The following PALLD variants were observed in gnomAD, a reference collection of about 807,000 sequenced individuals.
PALLD encodes palladin, cytoskeletal associated protein, also known as palladin.
PALLD carries 61 observed loss-of-function variants against 123.5 expected under a neutral mutation model. The observed-to-expected ratio is 0.49, with a 90% CI of 0.40 to 0.61. PALLD has a LOEUF of 0.61. Ranked by LOEUF, PALLD falls within the 20% of genes least tolerant of loss-of-function variation. The pLI, the probability that PALLD is intolerant of heterozygous loss-of-function variation, is 0.00. For missense variants in PALLD, 1,273 were observed against 1,377.0 expected (o/e 0.92, Z 1.20); for synonymous variants, 465 against 496.4 (o/e 0.94, Z 0.84).
At chr4:168,815,754 C>A (rs776311271) in intron 10 of PALLD, among the ~76,000 whole-genome samples, 2 of 152,158 alleles carry the variant, frequency 1.3e-5, no homozygotes, top group Non-Finnish European at 2.9e-5. Flanking sequence ...AAGGTACAGA[C>A]CATTTTCGGT....
chr4:168,729,990 C>T (rs1488365854), intron 10 of PALLD, among the ~76,000 whole-genome samples: 1 of 152,132 alleles, frequency 6.6e-6, no homozygotes, highest in Non-Finnish European at 1.5e-5. Context: ...CTCTTCACCC[C>T]TAGTACTTTG....
At chr4:168,662,529 G>A (rs1779225074) in intron 2 of PALLD, among the ~76,000 whole-genome samples, 1 of 152,244 alleles carries the variant, frequency 6.6e-6, no homozygotes. Context: ...GTCTGCCACA[G>A]GAAGAAGGGG....
chr4:168,571,127 G>C (rs1768938917), intron 2 of PALLD, among the ~76,000 whole-genome samples: 1 of 152,088 alleles, frequency 6.6e-6, no homozygotes, highest in Non-Finnish European at 1.5e-5. Flanking sequence ...AATTTTCTTT[G>C]CATTTCATCC....
intron 2 of PALLD, among the ~76,000 whole-genome samples, chr4:168,549,993 C>T (rs1300388217): frequency 6.6e-6 from 1 of 152,040 alleles, no homozygotes; most frequent in Non-Finnish European, 1.5e-5. Flanking sequence ...TTTATTCCTC[C>T]CAACATCTTT....
chr4:168,742,923 G>T (rs1398165320), intron 10 of PALLD, among the ~76,000 whole-genome samples: 1 of 152,126 alleles, frequency 6.6e-6, no homozygotes, highest in Admixed American at 6.5e-5. Context: ...TTGATTTTCA[G>T]TGATTCAGGT....
At chr4:168,814,440 A>C (rs1454299230) in intron 10 of PALLD, among the ~76,000 whole-genome samples, 3 of 152,206 alleles carry the variant, frequency 2.0e-5, no homozygotes, top group African/African-American at 7.2e-5. Flanking sequence ...GGACTGCCTT[A>C]AGCAACTGTA....
intron 2 of PALLD, among the ~76,000 whole-genome samples, chr4:168,576,959 C>A (rs572251934): frequency 2.6e-5 from 4 of 152,126 alleles, no homozygotes; most frequent in African/African-American, 7.2e-5. Flanking sequence ...GAGAAATTGG[C>A]AGCATTTTCT....
intron 1 of PALLD, among the ~76,000 whole-genome samples, 187 bp downstream of exon 1, chr4:168,497,381 G>A (rs62333819): frequency 0.097 from 14,764 of 152,202 alleles, 803 homozygotes; most frequent in Non-Finnish European, 0.11. Context: ...CAGATAATAC[G>A]TAAGATTTGC....
At chr4:168,593,033 T>G (rs1475842161) in intron 2 of PALLD, among the ~76,000 whole-genome samples, 1 of 151,024 alleles carries the variant, frequency 6.6e-6, no homozygotes, top group Non-Finnish European at 1.5e-5. Context: ...AAAAAAAAAG[T>G]CAACTATGCA....
At chr4:168,656,376 T>C (rs950866476) in intron 2 of PALLD, among the ~76,000 whole-genome samples, 1 of 151,990 alleles carries the variant, frequency 6.6e-6, no homozygotes, top group African/African-American at 2.4e-5. Context: ...TTGGTGAGGA[T>C]GAATCTATTT....
At chr4:168,804,149 T>A in intron 10 of PALLD, among the ~76,000 whole-genome samples, 1 of 152,200 alleles carries the variant, frequency 6.6e-6, no homozygotes, top group East Asian at 1.9e-4. Context: ...TGAAAATGTA[T>A]CCTCACAGAT....
chr4:168,701,049 A>G (rs1783624675), intron 8 of PALLD: 1 of 127,548 alleles, frequency 7.8e-6, no homozygotes, highest in Non-Finnish European at 1.8e-5. Context: ...TATTTGTGAT[A>G]GATATTATTT....
intron 1 of PALLD, among the ~76,000 whole-genome samples, chr4:168,499,466 T>A (rs1236606115): frequency 1.3e-5 from 2 of 152,116 alleles, no homozygotes; most frequent in East Asian, 3.8e-4. Context: ...GTTTTCATAG[T>A]TTAGGTTTTA....
intron 2 of PALLD, among the ~76,000 whole-genome samples, chr4:168,518,036 C>A (rs1763157198): frequency 6.9e-6 from 1 of 144,978 alleles, no homozygotes; most frequent in Non-Finnish European, 1.5e-5. Context: ...TAAACTGATT[C>A]TCCTCTCCTC....
At chr4:168,746,380 C>CAAAAAAA (rs747755592) in intron 10 of PALLD, among the ~76,000 whole-genome samples, 942 of 36,988 alleles carry the variant, frequency 0.025, 179 homozygotes, top group East Asian at 0.084. Context: ...GAACCCGTCT[C>CAAAAAAA]AAAAAAAAAA....
chr4:168,899,082 T>G (rs913280058), intron 14 of PALLD, among the ~76,000 whole-genome samples: 4 of 152,150 alleles, frequency 2.6e-5, no homozygotes, highest in Non-Finnish European at 4.4e-5. Context: ...AACCCAGTGC[T>G]CTGTACCATA....
chr4:168,826,355 C>A (rs1743418189), intron 10 of PALLD, among the ~76,000 whole-genome samples: 1 of 152,152 alleles, frequency 6.6e-6, no homozygotes, highest in Non-Finnish European at 1.5e-5. Context: ...GGTGAATGCA[C>A]TTTCCATAAA....
intron 15 of PALLD, among the ~76,000 whole-genome samples, chr4:168,909,819 T>C (rs995068530): frequency 6.6e-6 from 1 of 152,198 alleles, no homozygotes; most frequent in Admixed American, 6.6e-5. Flanking sequence ...TTTTCTATTA[T>C]GCACATGGAA....
chr4:168,904,195 AAGTCCT>A (rs1270231400), intron 15 of PALLD: 1 of 390,484 alleles, frequency 2.6e-6, no homozygotes, highest in Non-Finnish European at 4.8e-6. Context: ...AGACTGGACA[AAGTCCT>A]ATGGTAAAAA....
Sources: gnomAD v4.1 joint callset for allele counts (sites outside exome capture counted in the v4.1 genomes callset) on GRCh38, gnomAD v4.1.1 for gene constraint, MANE v1.5 for transcripts, NCBI Gene and HGNC (gene_info 2026-07-23, HGNC 2026-07-21) for gene names.